The following GALNT13 variants were observed in gnomAD, a reference collection of about 807,000 sequenced individuals.
GALNT13 encodes the protein UDP-GalNAc:polypeptide N-acetylgalactosaminyltransferase 13.
GALNT13 carries 28 observed loss-of-function variants against 64.2 expected under a neutral mutation model. That is an observed-to-expected ratio of 0.44 (90% confidence interval 0.32 to 0.60). The LOEUF (loss-of-function observed/expected upper bound fraction) is 0.60, where lower values mean the gene tolerates loss of function less well. GALNT13 is among the 20% of genes least tolerant of loss of function. The pLI is 0.05. For synonymous variants in GALNT13, 214 were observed against 224.6 expected (o/e 0.95, Z 0.42); for missense variants, 577 against 669.8 (o/e 0.86, Z 1.53).
chr2:153,736,225 C>A, the GALNT13 span, among the ~76,000 whole-genome samples: 3 of 152,150 alleles, frequency 2.0e-5, no homozygotes, highest in African/African-American at 7.2e-5. Flanking sequence ...TTAAATCAGC[C>A]TGCACTCATG....
intron 4 of GALNT13, among the ~76,000 whole-genome samples, chr2:154,232,839 C>A (rs1372235650): frequency 6.6e-6 from 1 of 150,780 alleles, no homozygotes; most frequent in Non-Finnish European, 1.5e-5. Context: ...TTGAGACAAG[C>A]CTGGGCAACA....
the GALNT13 span, among the ~76,000 whole-genome samples, chr2:153,185,085 T>C: frequency 6.6e-6 from 1 of 152,200 alleles, no homozygotes; most frequent in Non-Finnish European, 1.5e-5. Flanking sequence ...TGAATCTGTT[T>C]GGCCCTGGGC....
intron 11 of GALNT13, among the ~76,000 whole-genome samples, chr2:154,416,974 A>G (rs1305046393): frequency 6.6e-6 from 1 of 151,922 alleles, no homozygotes; most frequent in East Asian, 1.9e-4. Context: ...TTGTCCTCTA[A>G]TCTCTTTCTT....
the GALNT13 span, among the ~76,000 whole-genome samples, chr2:153,823,351 G>C: frequency 1.3e-5 from 2 of 152,102 alleles, no homozygotes; most frequent in Non-Finnish European, 2.9e-5. Flanking sequence ...ACCAGAGACA[G>C]CAGATTATCA....
the GALNT13 span, among the ~76,000 whole-genome samples, chr2:153,605,178 T>G: frequency 1.3e-5 from 2 of 152,108 alleles, no homozygotes; most frequent in Non-Finnish European, 2.9e-5. Context: ...TCCAAATAGC[T>G]TTTTCGCAGC....
intron 3 of GALNT13, among the ~76,000 whole-genome samples, chr2:154,110,107 C>G (rs941257810): frequency 4.0e-5 from 6 of 151,220 alleles, no homozygotes; most frequent in African/African-American, 1.2e-4. Context: ...ATCAGGTTTT[C>G]TTTGCTGGAT....
chr2:153,259,674 A>C, the GALNT13 span, among the ~76,000 whole-genome samples: 1 of 152,128 alleles, frequency 6.6e-6, no homozygotes, highest in Non-Finnish European at 1.5e-5. Flanking sequence ...GCTGCCATGT[A>C]AGACTTGCCT....
intron 3 of GALNT13, among the ~76,000 whole-genome samples, chr2:154,084,507 T>G (rs528808932): frequency 1.3e-5 from 2 of 151,988 alleles, no homozygotes; most frequent in South Asian, 4.1e-4. Context: ...CCTAAATTAT[T>G]TAAGTCTACT....
At chr2:153,367,132 G>A in the GALNT13 span, among the ~76,000 whole-genome samples, 6 of 151,952 alleles carry the variant, frequency 3.9e-5, no homozygotes, top group African/African-American at 1.2e-4. Context: ...AATGATTAAT[G>A]CAGTATATGA....
At chr2:153,821,901 A>G in the GALNT13 span, among the ~76,000 whole-genome samples, 2 of 152,186 alleles carry the variant, frequency 1.3e-5, no homozygotes, top group South Asian at 2.1e-4. Context: ...CAATGGTGAC[A>G]TTACAACTGA....
intron 10 of GALNT13, among the ~76,000 whole-genome samples, chr2:154,405,832 T>C (rs928380343): frequency 1.6e-4 from 25 of 152,126 alleles, no homozygotes; most frequent in African/African-American, 4.8e-4. Flanking sequence ...AATGTCAAGA[T>C]ACATTGTAGG....
chr2:153,924,308 G>A (rs1689962788), intron 2 of GALNT13, among the ~76,000 whole-genome samples: 1 of 149,670 alleles, frequency 6.7e-6, no homozygotes. Context: ...GAGAACATGT[G>A]ATATTTGGTT....
At chr2:153,147,422 T>A in the GALNT13 span, among the ~76,000 whole-genome samples, 2 of 151,876 alleles carry the variant, frequency 1.3e-5, no homozygotes, top group African/African-American at 4.8e-5. Flanking sequence ...GTTTCTCTCT[T>A]CTTGTTTGGA....
At chr2:153,761,014 A>G in the GALNT13 span, among the ~76,000 whole-genome samples, 1 of 152,122 alleles carries the variant, frequency 6.6e-6, no homozygotes, top group Non-Finnish European at 1.5e-5. Context: ...TGTTTGATTT[A>G]AAGCCTACTT....
At chr2:153,181,881 CAT>C in the GALNT13 span, among the ~76,000 whole-genome samples, 12 of 145,588 alleles carry the variant, frequency 8.2e-5, no homozygotes, top group African/African-American at 2.8e-4. Context: ...TTTATATAAA[CAT>C]ATTTATATAG....
At chr2:153,645,711 A>C in the GALNT13 span, among the ~76,000 whole-genome samples, 3 of 152,090 alleles carry the variant, frequency 2.0e-5, no homozygotes, top group Admixed American at 2.0e-4. Flanking sequence ...AGCATTTTTT[A>C]TGTGGGAGAA....
In GALNT13 at chr2:154,436,040, A is replaced by G. The variant is rs138672285; in HGVS notation, c.1396-2552A>G. The G allele has an allele frequency of 9.2e-5, 14 of 152,308 alleles. No homozygotes were observed. In the East Asian group the frequency reaches 2.3e-3, roughly 25 times the overall value. The allele number at this position is 152,308 out of a possible 1,614,324, so 9.4% of individuals were successfully genotyped here. ...AGTAAAAGACATCCTAGAAACAAGC[A>G]TACAAACGAGATTATTTCCCAGGTA... On this transcript the variant is annotated intron_variant, in intron 11 of 12. Transcript: ENST00000392825.
At chr2:153,825,763 T>A in the GALNT13 span, among the ~76,000 whole-genome samples, 1 of 152,046 alleles carries the variant, frequency 6.6e-6, no homozygotes, top group Non-Finnish European at 1.5e-5. Flanking sequence ...AAAAAACGAC[T>A]AACAAGAGCT....
At chr2:153,706,273 A>G in the GALNT13 span, among the ~76,000 whole-genome samples, 16,372 of 152,000 alleles carry the variant, frequency 0.11, 1,274 homozygotes, top group African/African-American at 0.22. Context: ...GGGATTACAG[A>G]CGTGAGCTAC....
Sources: gnomAD v4.1 joint callset for allele counts (sites outside exome capture counted in the v4.1 genomes callset) on GRCh38, gnomAD v4.1.1 for gene constraint, MANE v1.5 for transcripts, NCBI Gene and HGNC (gene_info 2026-07-23, HGNC 2026-07-21) for gene names.